The following RHOBTB2 variants were observed in gnomAD, a reference collection of about 807,000 sequenced individuals.
RHOBTB2 encodes Rho related BTB domain containing 2.
Under a neutral mutation model 66.5 loss-of-function variants are expected in RHOBTB2, and 39 were observed. That is an observed-to-expected ratio of 0.59 (90% CI 0.45 to 0.77). The LOEUF is 0.77. RHOBTB2 is among the 30% of genes least tolerant of loss of function. The pLI is 0.00. For synonymous variants in RHOBTB2, 390 were observed against 395.0 expected (o/e 0.99, Z 0.15); for missense variants, 755 against 999.1 (o/e 0.76, Z 3.29).
chr8:22,952,997 G>A, the RHOBTB2 span, among the ~76,000 whole-genome samples: 1 of 152,150 alleles, frequency 6.6e-6, no homozygotes, highest in Non-Finnish European at 1.5e-5. Flanking sequence ...TGCTTGGTAT[G>A]GCCTTTGACT....
upstream of RHOBTB2, among the ~76,000 whole-genome samples, chr8:22,985,657 C>A (rs940806183): frequency 6.6e-6 from 1 of 152,172 alleles, no homozygotes; most frequent in Non-Finnish European, 1.5e-5. Context: ...GAGGAAGGTG[C>A]GATGGAGGGC....
At chr8:22,994,885 C>T (rs547044591), upstream of RHOBTB2, among the ~76,000 whole-genome samples, 3 of 152,304 alleles carry the variant, frequency 2.0e-5, no homozygotes, top group East Asian at 3.9e-4. Flanking sequence ...CCTGCCTCAG[C>T]CTCCCGAGTA....
chr8:22,981,817 G>A, the RHOBTB2 span, among the ~76,000 whole-genome samples: 1 of 152,196 alleles, frequency 6.6e-6, no homozygotes, highest in East Asian at 1.9e-4. Context: ...TTTTCCAGAC[G>A]AGTTTAGGGT....
rs1273463187 is a variant in RHOBTB2 at position 23,015,644 on chromosome 8, T to C, written c.1867T>C (p.Cys623Arg). The C allele has an allele frequency of 2.5e-6, 4 of 1,612,312 alleles. No individual in the cohort carries two copies. The highest frequency in any genetic ancestry group is 1.1e-5 in the South Asian group (1 of 91,028). ...TCTTCCCTTCTGTCCCCAGTTCCAC[T>C]GTGCGTACCAGCTGGCCGACTGGTG... ...LVFLELAQFH[C>R]AYQLADWCLH... Residue 623 changes from cysteine (C) to arginine (R), a missense_variant, in exon 9 of 10, where the codon TGT becomes CGT. By Grantham distance (180) the Cys-to-Arg change is radical. Coordinates refer to ENST00000251822, the MANE Select transcript of RHOBTB2 (RefSeq NM_015178.3).
At chr8:22,955,984 G>A in the RHOBTB2 span, among the ~76,000 whole-genome samples, 5 of 152,266 alleles carry the variant, frequency 3.3e-5, no homozygotes, top group South Asian at 2.1e-4. Context: ...AAATGGAGAC[G>A]GGCACTAAGG....
upstream of RHOBTB2, among the ~76,000 whole-genome samples, chr8:22,996,547 G>GTAA (rs1810569004): frequency 7.5e-6 from 1 of 133,600 alleles, no homozygotes; most frequent in African/African-American, 3.0e-5. Flanking sequence ...GTGTGTGTGT[G>GTAA]TGTGTGTGTG....
the RHOBTB2 span, among the ~76,000 whole-genome samples, chr8:22,967,172 A>G: frequency 7.7e-3 from 1,166 of 152,344 alleles, 10 homozygotes; most frequent in African/African-American, 0.027. Flanking sequence ...TATCCATTCA[A>G]TGAACGAATG....
At chr8:22,976,330 G>A in the RHOBTB2 span, among the ~76,000 whole-genome samples, 2 of 152,100 alleles carry the variant, frequency 1.3e-5, no homozygotes, top group African/African-American at 2.4e-5. Context: ...TGTCTCCCAG[G>A]ACATCCTACT....
chr8:23,016,727 A>G (rs1811301245), intron 9 of RHOBTB2, among the ~76,000 whole-genome samples: 1 of 152,104 alleles, frequency 6.6e-6, no homozygotes, highest in South Asian at 2.1e-4. Context: ...TTTTCTTTCT[A>G]AAGCACAGGT....
At chr8:22,989,799 C>T (rs369008135) in intron 1 of RHOBTB2, among the ~76,000 whole-genome samples, 4 of 152,192 alleles carry the variant, frequency 2.6e-5, no homozygotes, top group Non-Finnish European at 4.4e-5. Flanking sequence ...TTAAGCATAA[C>T]GTGCTAGGGC....
intron 7 of RHOBTB2, 148 bp downstream of exon 7, chr8:23,010,836 A>G (rs1811126348): frequency 1.1e-6 from 1 of 913,512 alleles, no homozygotes; most frequent in Non-Finnish European, 1.6e-6. Context: ...TGACGGGCAC[A>G]GAGTTCTGGA....
chr8:22,965,933 A>C, the RHOBTB2 span, among the ~76,000 whole-genome samples: 9 of 152,214 alleles, frequency 5.9e-5, no homozygotes, highest in African/African-American at 2.2e-4. Flanking sequence ...ACTCCATGAA[A>C]ATTAGAAACT....
At position 23,006,357 on chromosome 8, in the gene RHOBTB2, A is replaced by G; in HGVS notation, c.482+212A>G. 1 of 558,510 alleles carries G rather than the reference A, an allele frequency of 1.8e-6. No homozygotes were observed. The highest frequency in any genetic ancestry group is 3.2e-6 in the Non-Finnish European group (1 of 315,916). 34.6% of individuals were successfully genotyped at this position (558,510 alleles called of 1,614,324 possible). On this transcript the variant is annotated intron_variant, in intron 4 of 9. Transcript: ENST00000251822. The surrounding 1 kb of genome is among the most constrained non-coding windows in gnomAD (Gnocchi z 6.1). The stretch of plus-strand genomic sequence containing the variant: ...GGCAGTGCTATGTAAAGCATCATGA[A>G]GAAAAATAGAGAGGAAGAGGTGATA...
Position 23,010,707 on chromosome 8 carries a change from CG to C in RHOBTB2, c.1771+23del. ...CTCACAGGTAACTAAGCAGTGCACT[CG>C]GGGACCTCCCCGCGGCAGAGGCCAG... On this transcript the variant is annotated intron_variant, in intron 7 of 9. Coordinates refer to ENST00000251822, the MANE Select transcript of RHOBTB2 (RefSeq NM_015178.3). 6.2e-7 allele frequency: 1 copy of C among 1,612,734 alleles called. No individual in the cohort carries two copies. Among genetic ancestry groups the C allele is most frequent in the Non-Finnish European group, 8.5e-7 (1 of 1,179,098 alleles).
At chr8:22,966,058 T>G in the RHOBTB2 span, among the ~76,000 whole-genome samples, 1 of 151,784 alleles carries the variant, frequency 6.6e-6, no homozygotes, top group Non-Finnish European at 1.5e-5. Context: ...TATAGAAAAT[T>G]TATAAAACTC....
At chr8:22,972,229 C>T in the RHOBTB2 span, among the ~76,000 whole-genome samples, 3 of 152,276 alleles carry the variant, frequency 2.0e-5, no homozygotes, top group African/African-American at 4.8e-5. Flanking sequence ...GTTCATGACA[C>T]ATGTAGGGGC....
chr8:22,988,318 C>T (rs571821074), intron 1 of RHOBTB2, among the ~76,000 whole-genome samples: 56 of 152,146 alleles, frequency 3.7e-4, no homozygotes, highest in Admixed American at 5.9e-4. Context: ...TGCCACCATG[C>T]CTGGCTAATT....
chr8:22,959,567 G>T, the RHOBTB2 span, among the ~76,000 whole-genome samples: 5 of 152,036 alleles, frequency 3.3e-5, no homozygotes, highest in Admixed American at 6.6e-5. Context: ...TCTTTCTAGG[G>T]CTGAATTCAA....
chr8:23,006,672 C>T lies in RHOBTB2; in HGVS notation c.483-56C>T. ...AGAGTCCCTCCAGCCTGTGGAAGAA[C>T]AGGCAGCCTCCCTCCACCACCAACA... is the stretch of plus-strand genomic sequence containing the variant. On this transcript the variant is annotated intron_variant, in intron 4 of 9. Coordinates refer to ENST00000251822, the MANE Select transcript of RHOBTB2 (RefSeq NM_015178.3). The surrounding 1 kb of genome is among the most constrained non-coding windows in gnomAD (Gnocchi z 6.1). 5.3e-6 allele frequency: 8 copies of T among 1,520,586 alleles called. No individual in the cohort carries two copies. Among genetic ancestry groups the T allele is most frequent in the Non-Finnish European group, 7.2e-6 (8 of 1,114,782 alleles). The allele number at this position is 1,520,586 out of a possible 1,614,324, so 94.2% of individuals were successfully genotyped here. A position where few individuals can be genotyped will look rare whatever the true frequency, so the allele number is the denominator to read the frequency against.
Sources: gnomAD v4.1 joint callset for allele counts (sites outside exome capture counted in the v4.1 genomes callset) on GRCh38, gnomAD v4.1.1 for gene constraint, Gnocchi (gnomAD v3.1) non-coding constraint, MANE v1.5 for transcripts, NCBI Gene and HGNC (gene_info 2026-07-23, HGNC 2026-07-21) for gene names.